CDH2: variants seen among roughly 807,000 people sequenced by gnomAD.
CDH2 encodes the protein cadherin-2.
CDH2 carries 17 observed loss-of-function variants against 92.0 expected under a neutral mutation model. The observed-to-expected ratio is 0.18, with a 90% CI of 0.13 to 0.28. The LOEUF is 0.28. CDH2 is among the 10% of genes least tolerant of loss of function. The probability of loss-of-function intolerance (pLI) is 1.00; values close to 1 mark genes in which losing one functional copy is unlikely to be tolerated. For missense variants in CDH2, 862 were observed against 1,133.1 expected, an observed-to-expected ratio of 0.76 and a Z score of 3.44; for synonymous variants, 419 against 415.9, an observed-to-expected ratio of 1.01 and a Z score of -0.09.
intron 1 of CDH2, 26 bp from the exon 2 acceptor site, chr18:28,147,810 ATGTGTGC>A: frequency 1.6e-6 from 2 of 1,221,054 alleles, no homozygotes; most frequent in Non-Finnish European, 2.4e-6. Context: ...AAAAAAAAAA[ATGTGTGC>A]AATGATTGCT....
chr18:27,992,266 T>C (rs1169714118), intron 9 of CDH2, among the ~76,000 whole-genome samples: 2 of 152,202 alleles, frequency 1.3e-5, no homozygotes, highest in Admixed American at 6.5e-5. Context: ...CAGAATGTGA[T>C]ATATCATGAA....
intron 2 of CDH2, among the ~76,000 whole-genome samples, chr18:28,078,674 T>C (rs1447553919): frequency 2.9e-5 from 4 of 137,560 alleles, no homozygotes; most frequent in Non-Finnish European, 6.1e-5. Context: ...CATTTGTACA[T>C]TGATTTTTTT....
intron 1 of CDH2, among the ~76,000 whole-genome samples, chr18:28,150,947 C>T (rs2016111779): frequency 1.3e-5 from 2 of 152,146 alleles, no homozygotes; most frequent in Non-Finnish European, 2.9e-5. Context: ...AGCAAAGTTA[C>T]CAAGTTCAAA....
At chr18:28,007,087 G>A (rs2012946557) in intron 5 of CDH2, among the ~76,000 whole-genome samples, 1 of 149,544 alleles carries the variant, frequency 6.7e-6, no homozygotes, top group Non-Finnish European at 1.5e-5. Flanking sequence ...TTGAACCTGG[G>A]AGGCGGCAGC....
At chr18:27,977,151 G>C (rs2011858374) in intron 14 of CDH2, among the ~76,000 whole-genome samples, 1 of 44,454 alleles carries the variant, frequency 2.2e-5, no homozygotes, top group African/African-American at 6.9e-5. Flanking sequence ...TTCACTCTCT[G>C]AAAAGAGACT....
chr18:27,936,055 G>C (rs1279751315), intron 6 of CDH2, among the ~76,000 whole-genome samples: 4 of 152,034 alleles, frequency 2.6e-5, no homozygotes, highest in African/African-American at 9.7e-5. Flanking sequence ...AGATGTGTTT[G>C]GTTTTATGTT....
In CDH2 at chr18:28,005,747, C is replaced by A. The variant is rs1429642119; in HGVS notation, c.847+102G>T. 5.7e-6 allele frequency: 4 copies of A among 702,508 alleles called. No homozygotes were observed. In the African/African-American group the frequency reaches 7.2e-5, roughly 13 times the overall value. The allele number at this position is 702,508 out of a possible 1,614,324, so 43.5% of individuals were successfully genotyped here. ...AGCATTATGAATGAAAGAAAAGGAT[C>A]CAAAAAGCCTCATATGATTTCTCCA... On this transcript the variant is annotated intron_variant, in intron 6 of 15. Coordinates refer to ENST00000269141, the MANE Select transcript of CDH2 (RefSeq NM_001792.5).
rs536591200 is a variant in CDH2 at position 28,045,580 on chromosome 18, A to G, written c.173-31671T>C. 1.5e-4 allele frequency: 54 copies of G among 350,372 alleles called. 1 individual carries two copies. In the Middle Eastern group the frequency reaches 3.4e-3, roughly 22 times the overall value. 21.7% of individuals were successfully genotyped at this position (350,372 alleles called of 1,614,324 possible). A position where few individuals can be genotyped will look rare whatever the true frequency, so the allele number is the denominator to read the frequency against. On this transcript the variant is annotated intron_variant, in intron 2 of 15. Coordinates refer to ENST00000269141, the MANE Select transcript of CDH2 (RefSeq NM_001792.5). The stretch of plus-strand genomic sequence containing the variant: ...TGCCTTGCTCATGCTAGCCTATCTG[A>G]GTGGAACACTCTTACTTAAGCACCT...
At chr18:28,060,334 T>C (rs2014378084) in intron 2 of CDH2, among the ~76,000 whole-genome samples, 4 of 152,058 alleles carry the variant, frequency 2.6e-5, no homozygotes, top group Admixed American at 1.3e-4. Context: ...TACAGGCGCG[T>C]GCTACCATAC....
At chr18:28,113,475 G>GAA (rs72389815) in intron 2 of CDH2, among the ~76,000 whole-genome samples, 1 of 113,144 alleles carries the variant, frequency 8.8e-6, no homozygotes, top group Non-Finnish European at 1.9e-5. Flanking sequence ...CCAGCAAAAG[G>GAA]AAAAAAAAAA....
In CDH2 at chr18:27,998,101, T is replaced by C. The variant is rs545969051; in HGVS notation, c.1021-4464A>G. Among the ~76,000 whole-genome samples, 300 of 152,314 alleles carry C rather than the reference T, an allele frequency of 2.0e-3. 5 individuals are homozygous for C. The highest frequency in any genetic ancestry group is 6.9e-3 in the African/African-American group (289 of 41,592). ...GATTACAGGTGTGAGCCACCACTCCTGGCCAACTCTGTTCAAATTCTTAAC... is the reference window on the plus strand; with the variant it reads ...GATTACAGGTGTGAGCCACCACTCCCGGCCAACTCTGTTCAAATTCTTAAC... On this transcript the variant is annotated intron_variant, in intron 7 of 15. Transcript: ENST00000269141.
At position 28,149,636 on chromosome 18, in the gene CDH2, T is replaced by C. The variant is rs1245107492; in HGVS notation, c.61-1852A>G. Among the ~76,000 whole-genome samples, 6 of 152,280 alleles carry C rather than the reference T, an allele frequency of 3.9e-5. No individual in the cohort carries two copies. In the South Asian group the frequency reaches 1.2e-3, roughly 32 times the overall value. On this transcript the variant is annotated intron_variant, in intron 1 of 15. Coordinates refer to ENST00000269141, the MANE Select transcript of CDH2 (RefSeq NM_001792.5). The stretch of plus-strand genomic sequence containing the variant: ...AAGATAACATAATGTTTTGAACACA[T>C]ACTTATGTAAGAAGAAAAGGAAAAC...
intron 2 of CDH2, among the ~76,000 whole-genome samples, chr18:28,129,606 T>C (rs1054374145): frequency 2.6e-5 from 4 of 152,090 alleles, no homozygotes; most frequent in South Asian, 2.1e-4. Flanking sequence ...GGTGGGAGGA[T>C]TGCTCCAGGC....
At chr18:27,969,901 G>A (rs576679870) in intron 14 of CDH2, among the ~76,000 whole-genome samples, 1 of 152,310 alleles carries the variant, frequency 6.6e-6, no homozygotes, top group South Asian at 2.1e-4. Flanking sequence ...TCAGGAGGCT[G>A]AGGCAGGAGA....
chr18:28,038,453 G>T (rs1019935343), intron 2 of CDH2, among the ~76,000 whole-genome samples: 11 of 146,802 alleles, frequency 7.5e-5, no homozygotes, highest in Non-Finnish European at 1.7e-4. Context: ...GTGTGTGTGT[G>T]TGTGTGTGTC....
chr18:28,059,936 G>C (rs755185186), intron 2 of CDH2, among the ~76,000 whole-genome samples: 1 of 151,942 alleles, frequency 6.6e-6, no homozygotes, highest in Non-Finnish European at 1.5e-5. Flanking sequence ...TTTCCCCTGC[G>C]ATCTAGATTT....
At chr18:28,093,427 A>C (rs536599625) in intron 2 of CDH2, among the ~76,000 whole-genome samples, 83 of 152,274 alleles carry the variant, frequency 5.5e-4, no homozygotes, top group Admixed American at 1.4e-3. Context: ...TGTTTTTAAA[A>C]TTCTGGGAAT....
chr18:28,144,776 C>T lies in CDH2; in HGVS notation c.172+2897G>A, dbSNP rs17495009. 4.2e-3 allele frequency among the ~76,000 whole-genome samples: 637 copies of T among 152,134 alleles called. 4 individuals are homozygous for T. Among genetic ancestry groups the T allele is most frequent in the African/African-American group, 0.015 (605 of 41,522 alleles). On this transcript the variant is annotated intron_variant, in intron 2 of 15. Coordinates refer to ENST00000269141, the MANE Select transcript of CDH2 (RefSeq NM_001792.5). ...GAGTGGATGTATTCATGTGATATTA[C>T]ATTAAATGTTAAGGTTGATCACAGA... is the stretch of plus-strand genomic sequence containing the variant.
chr18:28,161,631 G>A (rs1369011463), intron 1 of CDH2, among the ~76,000 whole-genome samples: 2 of 141,790 alleles, frequency 1.4e-5, no homozygotes, highest in East Asian at 2.1e-4. Context: ...AAGACTTCAA[G>A]AAGTTGGGAA....
Sources: allele counts gnomAD v4.1 joint callset (sites outside exome capture counted in the v4.1 genomes callset), GRCh38; gene constraint gnomAD v4.1.1; transcripts MANE v1.5; gene names NCBI Gene and HGNC (gene_info 2026-07-23, HGNC 2026-07-21).